NIPAL2: variants seen among roughly 807,000 people sequenced by gnomAD.
NIPAL2 encodes NIPA-like protein 2.
Under a neutral mutation model 48.9 loss-of-function variants are expected in NIPAL2, and 43 were observed. That is an observed-to-expected ratio of 0.88 (90% CI 0.69 to 1.13). NIPAL2 has a LOEUF of 1.13. NIPAL2 is among the 50% of genes most tolerant of loss of function. NIPAL2 has a pLI of 0.00. For synonymous variants in NIPAL2, 167 were observed against 174.6 expected (o/e 0.96, Z 0.34); for missense variants, 446 against 461.4 (o/e 0.97, Z 0.31).
intron 1 of NIPAL2, among the ~76,000 whole-genome samples, chr8:98,271,353 G>A (rs1218670520): frequency 6.6e-6 from 1 of 152,092 alleles, no homozygotes; most frequent in African/African-American, 2.4e-5. Context: ...CCATTTATTT[G>A]GGTCATCTCT....
chr8:98,250,690 T>C (rs1326400213), intron 3 of NIPAL2, among the ~76,000 whole-genome samples: 2 of 152,124 alleles, frequency 1.3e-5, no homozygotes, highest in African/African-American at 2.4e-5. Flanking sequence ...ATCTGTAGCA[T>C]GAAGAAAAAG....
intron 3 of NIPAL2, among the ~76,000 whole-genome samples, chr8:98,251,352 G>A (rs889668587): frequency 7.2e-5 from 11 of 151,934 alleles, no homozygotes; most frequent in Admixed American, 1.3e-4. Context: ...AACATAAAAC[G>A]TCTAAAATGT....
rs185240981 is a variant in NIPAL2 at position 98,233,214 on chromosome 8, C to T, written c.436+2941G>A. 4.4e-4 allele frequency among the ~76,000 whole-genome samples: 66 copies of T among 151,628 alleles called. No individual in the cohort carries two copies. In the East Asian group the frequency reaches 9.7e-3, roughly 22 times the overall value. ...TGGAGGTTGCAGTAAGCTGAGATCA[C>T]GCTACTACACTCCAGCCTGGGCAAC... On this transcript the variant is annotated intron_variant, in intron 4 of 10. Transcript: ENST00000430223.
intron 3 of NIPAL2, 53 bp from the exon 4 acceptor site, chr8:98,236,267 G>A (rs376942002): frequency 4.3e-5 from 54 of 1,247,704 alleles, no homozygotes; most frequent in Middle Eastern, 1.9e-4. Context: ...TGTCTATTAC[G>A]CAATGCCATT....
chr8:98,278,165 C>A (rs1815592198), intron 1 of NIPAL2, among the ~76,000 whole-genome samples: 1 of 152,064 alleles, frequency 6.6e-6, no homozygotes, highest in Non-Finnish European at 1.5e-5. Flanking sequence ...ATTGTTGCTC[C>A]TTTGTAGGCA....
intron 4 of NIPAL2, among the ~76,000 whole-genome samples, chr8:98,227,448 A>T (rs555685647): frequency 9.9e-5 from 15 of 152,210 alleles, no homozygotes; most frequent in African/African-American, 3.6e-4. Flanking sequence ...TCAGGGCCCA[A>T]ATACTCTTTA....
intron 4 of NIPAL2, among the ~76,000 whole-genome samples, chr8:98,235,909 ATTAT>A (rs1300037961): frequency 1.3e-5 from 2 of 151,578 alleles, no homozygotes; most frequent in Non-Finnish European, 1.5e-5. Context: ...ATTCATTATA[ATTAT>A]TAATTAATAA....
chr8:98,240,833 C>T (rs1812945087), intron 3 of NIPAL2, among the ~76,000 whole-genome samples: 1 of 152,154 alleles, frequency 6.6e-6, no homozygotes, highest in Admixed American at 6.5e-5. Context: ...GCCTAGGTGG[C>T]CGGGTGCTGG....
chr8:98,195,873 T>C, intron 9 of NIPAL2, 69 bp downstream of exon 9: 1 of 1,116,458 alleles, frequency 9.0e-7, no homozygotes, highest in South Asian at 1.4e-5. Context: ...ATACCTCCGG[T>C]ACAATGCCGA....
At chr8:98,259,153 T>C (rs1688276221) in intron 1 of NIPAL2, among the ~76,000 whole-genome samples, 1 of 134,318 alleles carries the variant, frequency 7.4e-6, no homozygotes, top group East Asian at 2.3e-4. Flanking sequence ...CTCGACTCAC[T>C]GCAAGCTCCG....
chr8:98,199,476 T>C (rs1037308898), intron 8 of NIPAL2, among the ~76,000 whole-genome samples: 8 of 152,092 alleles, frequency 5.3e-5, no homozygotes, highest in African/African-American at 1.9e-4. Flanking sequence ...TTCAATATTA[T>C]TGTGTCTCAG....
rs1198191902 is a variant in NIPAL2 at position 98,190,809 on chromosome 8, G to A, written c.*2169C>T. On this transcript the variant is annotated 3_prime_UTR_variant, in exon 11 of 11. Coordinates refer to ENST00000430223, the MANE Select transcript of NIPAL2 (RefSeq NM_001321635.2). The stretch of plus-strand genomic sequence containing the variant: ...TTACTGAAAACTTTGCCGACCCTTG[G>A]TCTAGACAGATAGTCAGATGAGCTA... 6.6e-6 allele frequency: 1 copy of A among 152,148 alleles called. No homozygotes were observed. The highest frequency in any genetic ancestry group is 2.4e-5 in the African/African-American group (1 of 41,424). 9.4% of individuals were successfully genotyped at this position (152,148 alleles called of 1,614,324 possible). A position where few individuals can be genotyped will look rare whatever the true frequency, so the allele number is the denominator to read the frequency against.
chr8:98,270,778 A>G (rs758766663), intron 1 of NIPAL2, among the ~76,000 whole-genome samples: 2 of 152,096 alleles, frequency 1.3e-5, no homozygotes, highest in Non-Finnish European at 2.9e-5. Context: ...GCCTAGGCCA[A>G]TTTCCAGAAG....
chr8:98,218,549 T>C (rs1267746878), intron 5 of NIPAL2, among the ~76,000 whole-genome samples: 1 of 152,046 alleles, frequency 6.6e-6, no homozygotes, highest in Non-Finnish European at 1.5e-5. Flanking sequence ...GTGACAGCAC[T>C]AGGGTAGAAA....
intron 1 of NIPAL2, among the ~76,000 whole-genome samples, chr8:98,256,718 A>G (rs1813915990): frequency 6.6e-6 from 1 of 152,196 alleles, no homozygotes; most frequent in African/African-American, 2.4e-5. Context: ...AAAATGCTGC[A>G]GCCACTGTGG....
At chr8:98,199,118 G>A (rs891255901) in intron 8 of NIPAL2, among the ~76,000 whole-genome samples, 8 of 151,734 alleles carry the variant, frequency 5.3e-5, no homozygotes, top group African/African-American at 1.5e-4. Context: ...CACCATGCCC[G>A]GCTAATTTTG....
intron 7 of NIPAL2, among the ~76,000 whole-genome samples, chr8:98,203,533 TATC>T (rs1179439106): frequency 3.3e-5 from 5 of 152,208 alleles, no homozygotes; most frequent in African/African-American, 1.2e-4. Context: ...ATCTGTTAAA[TATC>T]ATATCTGGGG....
At chr8:98,254,889 G>A (rs1482210558) in intron 1 of NIPAL2, among the ~76,000 whole-genome samples, 1 of 152,026 alleles carries the variant, frequency 6.6e-6, no homozygotes, top group African/African-American at 2.4e-5. Context: ...ACCAAACCTC[G>A]CCCTCCTGGC....
At chr8:98,220,964 C>CT (rs557824737) in intron 5 of NIPAL2, among the ~76,000 whole-genome samples, 1,763 of 68,606 alleles carry the variant, frequency 0.026, 177 homozygotes, top group East Asian at 0.045. Flanking sequence ...TCATTTCATT[C>CT]TTTTTTTTTT....
Sources: allele counts gnomAD v4.1 joint callset (sites outside exome capture counted in the v4.1 genomes callset), GRCh38; gene constraint gnomAD v4.1.1; transcripts MANE v1.5; gene names NCBI Gene and HGNC (gene_info 2026-07-23, HGNC 2026-07-21).